Variants in FMN1 observed in about 807,000 individuals in gnomAD.
FMN1 encodes formin-1.
In FMN1, 110 loss-of-function variants were observed where a neutral mutation model predicts 132.4. The ratio of observed to expected loss-of-function variants is 0.83; its 90% CI spans 0.71 to 0.97. The LOEUF (loss-of-function observed/expected upper bound fraction) is 0.97. Among genes scored for constraint, FMN1 ranks in the 50% least tolerant of loss-of-function variants. The probability of loss-of-function intolerance (pLI) is 0.00; values close to 1 mark genes in which losing one functional copy is unlikely to be tolerated. For missense variants in FMN1, 1,792 were observed against 1,705.3 expected (o/e 1.05, Z -0.90); for synonymous variants, 722 against 651.7 (o/e 1.11, Z -1.64).
In FMN1 at chr15:32,866,228, A is replaced by T. The variant is rs529865187; in HGVS notation, c.3836-9121T>A. On this transcript the variant is annotated intron_variant, in intron 16 of 20. Transcript: ENST00000616417. ...TGTACCCTAGAACTTAAAGTATAAT[A>T]AAAAAAAAGAAAAAAGAAAAAAAAT... is the stretch of plus-strand genomic sequence containing the variant. Among the ~76,000 whole-genome samples the T allele has an allele frequency of 4.5e-3, 537 of 120,394 alleles. 4 individuals are homozygous for T. Among genetic ancestry groups the T allele is most frequent in the Middle Eastern group, 0.013 (3 of 240 alleles). The allele number at this position is 120,394 out of a possible 152,430, so 79.0% of individuals were successfully genotyped here.
chr15:32,978,015 C>T (rs1308976463), intron 7 of FMN1, among the ~76,000 whole-genome samples: 2 of 152,034 alleles, frequency 1.3e-5, no homozygotes, highest in African/African-American at 4.8e-5. Context: ...TGCCCCCACG[C>T]CCTGCTGATT....
rs529387534 is a variant in FMN1 at position 33,059,268 on chromosome 15, A to C, written c.2161+5689T>G. Reference sequence around the variant, plus strand: ...GATTGGTATTCCATTGTATATATATAACATAGTTTATTTATCCATTCACCC... The same window carrying C: ...GATTGGTATTCCATTGTATATATATCACATAGTTTATTTATCCATTCACCC... On this transcript the variant is annotated intron_variant, in intron 6 of 20. Coordinates refer to ENST00000616417, the MANE Select transcript of FMN1 (RefSeq NM_001277313.2). 1.7e-3 allele frequency among the ~76,000 whole-genome samples: 251 copies of C among 152,070 alleles called. 1 individual carries two copies. Among genetic ancestry groups the C allele is most frequent in the Non-Finnish European group, 3.0e-3 (203 of 68,024 alleles).
intron 7 of FMN1, among the ~76,000 whole-genome samples, chr15:33,006,132 G>T (rs909812725): frequency 6.6e-6 from 1 of 152,054 alleles, no homozygotes; most frequent in Non-Finnish European, 1.5e-5. Context: ...TGAAAAGAAG[G>T]ATGTTTTCAT....
chr15:32,780,372 C>T (rs571667606), intron 19 of FMN1, among the ~76,000 whole-genome samples: 49 of 152,310 alleles, frequency 3.2e-4, no homozygotes, highest in Non-Finnish European at 4.7e-4. Context: ...GACCTCTGGT[C>T]GTCCTCACTG....
intron 17 of FMN1, among the ~76,000 whole-genome samples, chr15:32,851,815 ATTGT>A (rs2059016289): frequency 6.6e-6 from 1 of 152,232 alleles, no homozygotes; most frequent in South Asian, 2.1e-4. Context: ...AATCATCATG[ATTGT>A]TAGAGCTGAA....
At chr15:32,839,727 A>G (rs779412123) in intron 17 of FMN1, among the ~76,000 whole-genome samples, 2 of 151,894 alleles carry the variant, frequency 1.3e-5, no homozygotes, top group Non-Finnish European at 1.5e-5. Flanking sequence ...GATTCTCTTG[A>G]GAACCGATTT....
At chr15:33,179,349 G>GA (rs1188427631) in intron 3 of FMN1, among the ~76,000 whole-genome samples, 1 of 152,122 alleles carries the variant, frequency 6.6e-6, no homozygotes, top group African/African-American at 2.4e-5. Flanking sequence ...ATCCCTGATA[G>GA]AAAAATGAAA....
chr15:32,946,860 C>T (rs2061521883), intron 9 of FMN1, among the ~76,000 whole-genome samples: 1 of 152,186 alleles, frequency 6.6e-6, no homozygotes, highest in Non-Finnish European at 1.5e-5. Flanking sequence ...CAACTAGGTG[C>T]ATGATCTGTA....
chr15:32,915,299 C>T (rs188387016), intron 10 of FMN1, among the ~76,000 whole-genome samples: 1 of 152,214 alleles, frequency 6.6e-6, no homozygotes, highest in Admixed American at 6.5e-5. Context: ...TCTCAAAATA[C>T]TGGAACAACG....
chr15:32,855,850 A>G (rs2059118845), intron 17 of FMN1, among the ~76,000 whole-genome samples: 1 of 152,202 alleles, frequency 6.6e-6, no homozygotes, highest in South Asian at 2.1e-4. Flanking sequence ...GCATTTTTTG[A>G]TAAGTCACTT....
rs561310586 is a variant in FMN1, at chr15:32,992,142, T to G, written c.2223+15872A>C. On this transcript the variant is annotated intron_variant, in intron 7 of 20. Coordinates refer to ENST00000616417, the MANE Select transcript of FMN1 (RefSeq NM_001277313.2). ...ATCTTGTTTTCTCCCCTCCTTGTTT[T>G]TGAGCCCATCCACCATTGTTTTATA... is the stretch of plus-strand genomic sequence containing the variant. 3.9e-5 allele frequency among the ~76,000 whole-genome samples: 6 copies of G among 152,296 alleles called. No homozygotes were observed. In the South Asian group the frequency reaches 1.0e-3, roughly 26 times the overall value.
At chr15:33,139,424 G>T (rs751303421) in intron 4 of FMN1, among the ~76,000 whole-genome samples, 4 of 148,886 alleles carry the variant, frequency 2.7e-5, no homozygotes, top group Non-Finnish European at 4.5e-5. Flanking sequence ...GTGAAACCCC[G>T]TCTCTACTAA....
intron 12 of FMN1, 174 bp downstream of exon 12, chr15:32,908,316 C>T (rs1050884839): frequency 1.1e-5 from 6 of 551,024 alleles, no homozygotes; most frequent in East Asian, 9.1e-5. Flanking sequence ...CAAATCTCAG[C>T]GCTGCTTTTC....
At chr15:32,839,351 C>T (rs1416179327) in intron 17 of FMN1, among the ~76,000 whole-genome samples, 1 of 152,152 alleles carries the variant, frequency 6.6e-6, no homozygotes, top group Non-Finnish European at 1.5e-5. Flanking sequence ...GCAAGGACAA[C>T]TGTGTTCAGG....
rs1295172763 is a variant in FMN1 at position 32,968,829 on chromosome 15, C to G, written c.2872G>C (p.Gly958Arg). 1.3e-6 allele frequency: 2 copies of G among 1,594,544 alleles called. No homozygotes were observed. Among genetic ancestry groups the G allele is most frequent in the Admixed American group, 1.7e-5 (1 of 57,722 alleles). ...GAAGAGCCAAGTCCAAAGAAGAGTC[C>G]AGGGGGAGGTGGGGGTGCAAGTCCT... ...PPGLAPPPPP[G>R]LFFGLGSSSS... The change falls in exon 8 of 21, where the codon GGA becomes CGA. Residue 958 changes from glycine (G) to arginine (R), a missense_variant. Gly to Arg is a moderately radical substitution (Grantham distance 125). Transcript: ENST00000616417.
intron 5 of FMN1, chr15:33,068,220 G>GT: frequency 4.3e-6 from 1 of 232,810 alleles, no homozygotes; most frequent in East Asian, 1.0e-4. Context: ...TTTTGTCATA[G>GT]GGAAAGTCAG....
At chr15:33,089,052 CTACA>C in intron 4 of FMN1, 78 bp from the exon 5 acceptor site, 1 of 1,184,740 alleles carries the variant, frequency 8.4e-7, no homozygotes, top group Non-Finnish European at 1.2e-6. Context: ...TGGGGAACTC[CTACA>C]TAGACTTCTC....
intron 5 of FMN1, among the ~76,000 whole-genome samples, chr15:33,076,064 A>T (rs907453418): frequency 2.6e-5 from 4 of 152,176 alleles, no homozygotes; most frequent in Admixed American, 2.6e-4. Context: ...ACAAAGTAAA[A>T]TAATGTAAAA....
At chr15:32,984,884 A>AT (rs1183354695) in intron 7 of FMN1, among the ~76,000 whole-genome samples, 4 of 150,384 alleles carry the variant, frequency 2.7e-5, no homozygotes, top group Non-Finnish European at 4.4e-5. Context: ...TTTGCAAGCA[A>AT]TTTTTTAACA....
Sources: gnomAD v4.1 joint callset for allele counts (sites outside exome capture counted in the v4.1 genomes callset) on GRCh38, gnomAD v4.1.1 for gene constraint, MANE v1.5 for transcripts, NCBI Gene and HGNC (gene_info 2026-07-23, HGNC 2026-07-21) for gene names.